ZC3HAV1: variants seen among roughly 807,000 people sequenced by gnomAD.
ZC3HAV1 encodes zinc finger CCCH-type antiviral protein 1.
A neutral mutation model predicts 86.6 loss-of-function variants in ZC3HAV1; 41 were observed. The ratio of observed to expected loss-of-function variants is 0.47; its 90% CI spans 0.37 to 0.61. The LOEUF is 0.61. ZC3HAV1 is among the 20% of genes least tolerant of loss of function. The pLI is 0.00. For missense variants in ZC3HAV1, 964 were observed against 1,141.1 expected, an observed-to-expected ratio of 0.84 and a Z score of 2.24; for synonymous variants, 421 against 432.1, an observed-to-expected ratio of 0.97 and a Z score of 0.32.
At chr7:139,062,738 A>G (rs1469516036) in intron 8 of ZC3HAV1, among the ~76,000 whole-genome samples, 1 of 152,208 alleles carries the variant, frequency 6.6e-6, no homozygotes, top group Non-Finnish European at 1.5e-5. Context: ...GTTCAGGAAT[A>G]GAAAAAGGCG....
At chr7:139,101,499 C>T (rs1314581469) in intron 1 of ZC3HAV1, among the ~76,000 whole-genome samples, 141 of 98,778 alleles carry the variant, frequency 1.4e-3, no homozygotes, top group East Asian at 2.9e-3. Context: ...GCCACCACCC[C>T]GTCTGGGAGG....
At chr7:139,051,319 A>G (rs1336678066) in intron 12 of ZC3HAV1, among the ~76,000 whole-genome samples, 13 of 152,020 alleles carry the variant, frequency 8.6e-5, no homozygotes, top group Admixed American at 2.6e-4. Context: ...CGGTCTCCCA[A>G]AGTGCTGGGA....
intron 1 of ZC3HAV1, among the ~76,000 whole-genome samples, chr7:139,093,161 T>A (rs1301190523): frequency 6.6e-6 from 1 of 151,902 alleles, no homozygotes; most frequent in Non-Finnish European, 1.5e-5. Context: ...AAATGAGAAA[T>A]CAAAGGTGAC....
At position 139,083,786 on chromosome 7, in the gene ZC3HAV1, G is replaced by A. The variant is rs777295020; in HGVS notation, c.691C>T (p.Pro231Ser). Residue 231 changes from proline to serine, a missense_variant, in exon 3 of 13, where the codon CCC (proline) becomes TCC (serine). Physicochemically the swap from Pro to Ser is moderately conservative, Grantham distance 74. Coordinates refer to ENST00000242351, the MANE Select transcript of ZC3HAV1 (RefSeq NM_020119.4). The stretch of plus-strand genomic sequence containing the variant: ...AAAAAGAAAAGGCCTTTACCTCTGG[G>A]CCCTGGGGGATTCTTCTGCATGTGC... ...SKHMQKNPPGPRAPSSHRRNM... is the reference protein window; with the variant it reads ...SKHMQKNPPGSRAPSSHRRNM... 1.2e-6 allele frequency: 2 copies of A among 1,611,296 alleles called. No individual in the cohort carries two copies. Among genetic ancestry groups the A allele is most frequent in the South Asian group, 1.1e-5 (1 of 91,028 alleles).
intron 9 of ZC3HAV1, among the ~76,000 whole-genome samples, chr7:139,059,292 T>C (rs1816379625): frequency 6.6e-6 from 1 of 152,188 alleles, no homozygotes. Flanking sequence ...CCCTGAAATA[T>C]TCTTTTTACT....
At position 139,054,010 on chromosome 7, in the gene ZC3HAV1, T is replaced by C. The variant is rs777402962; in HGVS notation, c.2273A>G (p.Lys758Arg). Reference protein sequence around the residue: ...KASMKNFKIEKIKKIENSELL... With the variant: ...KASMKNFKIERIKKIENSELL... ...CTCTGAGTTCTCGATCTTCTTTATC[T>C]TTTCAATCTTGAAATTTTTCATGGA... The change falls in exon 11 of 13, where the codon AAG becomes AGG. Residue 758 changes from lysine (K) to arginine (R), a missense_variant. Transcript: ENST00000242351. 6.2e-7 allele frequency: 1 copy of C among 1,609,268 alleles called. No homozygotes were observed. Among genetic ancestry groups the C allele is most frequent in the South Asian group, 1.1e-5 (1 of 89,404 alleles).
chr7:139,109,604 G>C lies in ZC3HAV1; in HGVS notation c.-273C>G, dbSNP rs891858748. ...CTGGGTGGAAAGAAAGAGAACGCGC[G>C]GGCAAATCTGCTGGTGACCGCCTGG... On this transcript the variant is annotated 5_prime_UTR_variant, in exon 1 of 13. Transcript: ENST00000242351. 1.3e-5 allele frequency: 5 copies of C among 392,620 alleles called. No homozygotes were observed. The Admixed American group carries it at 1.4e-4, about 11-fold the overall frequency. 24.3% of individuals were successfully genotyped at this position (392,620 alleles called of 1,614,324 possible).
chr7:139,063,027 C>CAAAAAAAAAAAAAAAAAAAAAAA (rs58859916), intron 8 of ZC3HAV1, among the ~76,000 whole-genome samples: 18 of 68,060 alleles, frequency 2.6e-4, no homozygotes, highest in East Asian at 8.5e-4. Flanking sequence ...GACTCTGTCT[C>CAAAAAAAAAAAAAAAAAAAAAAA]AAAAAAAAAA....
chr7:139,086,455 G>C (rs1026183731), intron 2 of ZC3HAV1, among the ~76,000 whole-genome samples: 1 of 151,822 alleles, frequency 6.6e-6, no homozygotes, highest in Non-Finnish European at 1.5e-5. Flanking sequence ...GGAGCCTTGG[G>C]TGATGCTGAC....
At chr7:139,052,112 CT>C (rs1005134434) in intron 12 of ZC3HAV1, among the ~76,000 whole-genome samples, 10 of 125,516 alleles carry the variant, frequency 8.0e-5, no homozygotes, top group African/African-American at 3.1e-4. Context: ...AAATATTTCT[CT>C]TTTTTTCTTT....
intron 8 of ZC3HAV1, among the ~76,000 whole-genome samples, chr7:139,064,249 G>A (rs1816533311): frequency 6.6e-6 from 1 of 152,206 alleles, no homozygotes; most frequent in South Asian, 2.1e-4. Context: ...TCCCGAAAGG[G>A]CAAGCACTTG....
intron 3 of ZC3HAV1, among the ~76,000 whole-genome samples, chr7:139,081,376 C>G (rs769960075): frequency 6.6e-6 from 1 of 152,110 alleles, no homozygotes; most frequent in Non-Finnish European, 1.5e-5. Flanking sequence ...AGCAAACACC[C>G]TCCTCCTGTC....
chr7:139,096,020 T>C (rs960561350), intron 1 of ZC3HAV1, among the ~76,000 whole-genome samples: 12 of 152,146 alleles, frequency 7.9e-5, no homozygotes, highest in African/African-American at 2.4e-4. Context: ...TTTTTTTGTT[T>C]GTTTGTTTTT....
chr7:139,087,853 A>C (rs1817314942), intron 2 of ZC3HAV1, among the ~76,000 whole-genome samples: 1 of 151,614 alleles, frequency 6.6e-6, no homozygotes, highest in Non-Finnish European at 1.5e-5. Flanking sequence ...ACATAGTGAG[A>C]CCCTGTCCCT....
intron 7 of ZC3HAV1, among the ~76,000 whole-genome samples, chr7:139,070,753 G>T (rs989507143): frequency 1.3e-5 from 2 of 151,452 alleles, no homozygotes; most frequent in Non-Finnish European, 2.9e-5. Flanking sequence ...GGCAGAGGCA[G>T]GCAGATCACC....
chr7:139,097,428 A>ATTTTTTTTTTTTTTTTTTTTT (rs11291842), intron 1 of ZC3HAV1, among the ~76,000 whole-genome samples: 3 of 48,160 alleles, frequency 6.2e-5, no homozygotes, highest in Admixed American at 3.0e-4. Flanking sequence ...ATATATATAT[A>ATTTTTTTTTTTTTTTTTTTTT]TTTTTTTTTT....
intron 1 of ZC3HAV1, among the ~76,000 whole-genome samples, chr7:139,098,133 A>G (rs1396311653): frequency 6.6e-6 from 1 of 151,806 alleles, no homozygotes; most frequent in Non-Finnish European, 1.5e-5. Context: ...TTTTTTTAGT[A>G]GAGATGGGGT....
chr7:139,097,429 T>TATATATATATA (rs1491244234), intron 1 of ZC3HAV1, among the ~76,000 whole-genome samples: 29 of 56,800 alleles, frequency 5.1e-4, no homozygotes, highest in African/African-American at 2.6e-3. Flanking sequence ...TATATATATA[T>TATATATATATA]TTTTTTTTTT....
In ZC3HAV1 at chr7:139,045,224, G is replaced by A. The variant is rs1484686922; in HGVS notation, c.*2370C>T. ...TAAAGAAGATGTATTTCTATTTGTC[G>A]TTTAGAAAAAAAAAGGCAGAAATGC... On this transcript the variant is annotated 3_prime_UTR_variant, in exon 13 of 13. Coordinates refer to ENST00000242351, the MANE Select transcript of ZC3HAV1 (RefSeq NM_020119.4). The A allele has an allele frequency of 6.6e-6, 1 of 151,810 alleles. No homozygotes were observed. Among genetic ancestry groups the A allele is most frequent in the Non-Finnish European group, 1.5e-5 (1 of 67,968 alleles). The allele number at this position is 151,810 out of a possible 1,614,324, so 9.4% of individuals were successfully genotyped here.
Sources: allele counts gnomAD v4.1 joint callset (sites outside exome capture counted in the v4.1 genomes callset), GRCh38; gene constraint gnomAD v4.1.1; transcripts MANE v1.5; gene names NCBI Gene and HGNC (gene_info 2026-07-23, HGNC 2026-07-21).